PTPRN2: variants seen among roughly 807,000 people sequenced by gnomAD.
PTPRN2 encodes the protein receptor-type tyrosine-protein phosphatase N2.
In PTPRN2, 74 loss-of-function variants were observed where a neutral mutation model predicts 118.8. The observed-to-expected ratio is 0.62, with a 90% CI of 0.52 to 0.76. PTPRN2 has a LOEUF of 0.76. PTPRN2 is among the 30% of genes least tolerant of loss of function. The pLI, the probability that PTPRN2 is intolerant of heterozygous loss-of-function variation, is 0.00. For missense variants in PTPRN2, 1,481 were observed against 1,394.4 expected, an observed-to-expected ratio of 1.06 and a Z score of -0.99; for synonymous variants, 641 against 608.0, an observed-to-expected ratio of 1.05 and a Z score of -0.80.
At chr7:158,158,651 C>T (rs1264998409) in intron 6 of PTPRN2, among the ~76,000 whole-genome samples, 5 of 134,920 alleles carry the variant, frequency 3.7e-5, no homozygotes, top group African/African-American at 1.4e-4. Flanking sequence ...GCCGGGACTT[C>T]GCAAGTGCTT....
chr7:157,673,255 C>G (rs1263390372), intron 13 of PTPRN2, among the ~76,000 whole-genome samples: 1 of 152,168 alleles, frequency 6.6e-6, no homozygotes, highest in Non-Finnish European at 1.5e-5. Context: ...AATTCCTGAC[C>G]TCAGGTGATC....
At chr7:158,463,136 T>G (rs1819123052) in intron 2 of PTPRN2, among the ~76,000 whole-genome samples, 1 of 152,162 alleles carries the variant, frequency 6.6e-6, no homozygotes, top group Admixed American at 6.5e-5. Flanking sequence ...TCTGTGTACT[T>G]TTATAAGCTT....
At chr7:157,822,789 T>A (rs1263762549) in intron 12 of PTPRN2, among the ~76,000 whole-genome samples, 1 of 151,592 alleles carries the variant, frequency 6.6e-6, no homozygotes, top group South Asian at 2.1e-4. Context: ...CTCCTATATA[T>A]CCATCAGCCC....
Position 158,316,895 on chromosome 7 carries a change from C to T in PTPRN2, c.201G>A (p.Met67Ile). 1.2e-6 allele frequency: 2 copies of T among 1,612,924 alleles called. No individual in the cohort carries two copies. The highest frequency in any genetic ancestry group is 1.3e-5 in the African/African-American group (1 of 75,082). ...GCGACACCTCGTAGCGGTAAAAGTC[C>T]ATTGCCGGAACCTTCTGGCACCTTC... Reference protein sequence around the residue: ...VFGRCQKVPAMDFYRYEVSPV... With the variant: ...VFGRCQKVPAIDFYRYEVSPV... The change falls in exon 3 of 23, where the codon ATG becomes ATA. Residue 67 changes from methionine to isoleucine, a missense_variant. Met to Ile is a conservative substitution (Grantham distance 10, BLOSUM62 1). This residue lies in a region of PTPRN2 where 1,115 missense variants were observed against 994.2 expected (regional missense o/e 1.12). Coordinates refer to ENST00000389418, the MANE Select transcript of PTPRN2 (RefSeq NM_002847.5).
At chr7:158,499,834 AGT>A (rs990941365) in intron 1 of PTPRN2, among the ~76,000 whole-genome samples, 1 of 127,028 alleles carries the variant, frequency 7.9e-6, no homozygotes, top group Non-Finnish European at 1.8e-5. Context: ...CACACCCTCC[AGT>A]GTGTGTATGT....
chr7:157,673,891 C>A (rs1179857615), intron 13 of PTPRN2, among the ~76,000 whole-genome samples: 1 of 152,220 alleles, frequency 6.6e-6, no homozygotes, highest in African/African-American at 2.4e-5. Context: ...CTGGGGAGTC[C>A]TTCACAAAGG....
chr7:157,810,226 A>G (rs1805904376), intron 12 of PTPRN2, among the ~76,000 whole-genome samples: 1 of 152,242 alleles, frequency 6.6e-6, no homozygotes, highest in Non-Finnish European at 1.5e-5. Context: ...GCGGACAGTG[A>G]GCACAGAACT....
Position 158,243,601 on chromosome 7 carries a change from C to A in PTPRN2, c.278-38328G>T, listed in dbSNP as rs184159134. Among the ~76,000 whole-genome samples, 603 of 152,290 alleles carry A rather than the reference C, an allele frequency of 4.0e-3. 6 individuals are homozygous for A. The highest frequency in any genetic ancestry group is 0.014 in the African/African-American group (577 of 41,558). ...GAGTTGGCCAGGAGCTGCAGGAAGC[C>A]CACAAAGGTTGATTTGGAAGAAGCA... On this transcript the variant is annotated intron_variant, in intron 3 of 22. Coordinates refer to ENST00000389418, the MANE Select transcript of PTPRN2 (RefSeq NM_002847.5).
At chr7:158,331,726 A>T (rs1319706990) in intron 2 of PTPRN2, among the ~76,000 whole-genome samples, 3 of 150,718 alleles carry the variant, frequency 2.0e-5, no homozygotes, top group Non-Finnish European at 4.4e-5. Context: ...TTCTCACCAT[A>T]AGAGCTGACA....
intron 3 of PTPRN2, among the ~76,000 whole-genome samples, chr7:158,222,035 A>G (rs906800387): frequency 2.0e-5 from 3 of 152,240 alleles, no homozygotes; most frequent in African/African-American, 7.2e-5. Context: ...ATACTATTTC[A>G]CATGAGCCAG....
chr7:158,067,761 A>G (rs1250838900), intron 11 of PTPRN2, among the ~76,000 whole-genome samples: 1 of 152,048 alleles, frequency 6.6e-6, no homozygotes, highest in African/African-American at 2.4e-5. Context: ...TTCCCAGAGC[A>G]GCACACCGGG....
At position 158,183,720 on chromosome 7, in the gene PTPRN2, T is replaced by C. The variant is rs1043457355; in HGVS notation, c.549+8607A>G. The stretch of plus-strand genomic sequence containing the variant: ...GGCTGAATTCTCCAGTGGGGGTGCA[T>C]ATCTTGGAGGCAGTGTCTCCCCCTC... On this transcript the variant is annotated intron_variant, in intron 5 of 22. Transcript: ENST00000389418. Among the ~76,000 whole-genome samples, 6 of 152,326 alleles carry C rather than the reference T, an allele frequency of 3.9e-5. No homozygotes were observed. In the South Asian group the frequency reaches 1.2e-3, roughly 32 times the overall value.
chr7:157,739,653 C>T (rs563949543), intron 12 of PTPRN2, among the ~76,000 whole-genome samples: 1 of 152,356 alleles, frequency 6.6e-6, no homozygotes, highest in Admixed American at 6.5e-5. Flanking sequence ...AGAGCTCTTT[C>T]TCCCCAGGTG....
intron 11 of PTPRN2, among the ~76,000 whole-genome samples, chr7:158,004,490 T>TA (rs1231059644): frequency 1.3e-5 from 2 of 152,200 alleles, no homozygotes; most frequent in Non-Finnish European, 1.5e-5. Context: ...TAGTGGACTC[T>TA]AAAAAAAGTA....
chr7:158,461,296 C>T (rs58600303), intron 2 of PTPRN2, among the ~76,000 whole-genome samples: 24 of 152,192 alleles, frequency 1.6e-4, no homozygotes, highest in African/African-American at 5.3e-4. Flanking sequence ...GAGATCAAGA[C>T]CATCCTGGCT....
intron 3 of PTPRN2, among the ~76,000 whole-genome samples, chr7:158,291,145 A>T (rs1800096701): frequency 6.6e-6 from 1 of 152,176 alleles, no homozygotes; most frequent in Non-Finnish European, 1.5e-5. Flanking sequence ...CTTGGTGATG[A>T]TGTAACAGCT....
intron 2 of PTPRN2, among the ~76,000 whole-genome samples, chr7:158,478,304 G>T (rs1327226405): frequency 6.6e-6 from 1 of 152,220 alleles, no homozygotes; most frequent in Non-Finnish European, 1.5e-5. Context: ...GGAAAGCAGC[G>T]CCGTACAGAC....
At chr7:157,772,340 G>C (rs1244098461) in intron 12 of PTPRN2, among the ~76,000 whole-genome samples, 1 of 133,948 alleles carries the variant, frequency 7.5e-6, no homozygotes, top group Non-Finnish European at 1.6e-5. Flanking sequence ...CATACACACA[G>C]ACATACACAC....
chr7:158,531,336 G>C (rs1393527622), intron 1 of PTPRN2, among the ~76,000 whole-genome samples: 1 of 152,198 alleles, frequency 6.6e-6, no homozygotes, highest in African/African-American at 2.4e-5. Flanking sequence ...TCCCTCTCCA[G>C]AGTCGAGCTC....
Sources: allele counts gnomAD v4.1 joint callset (sites outside exome capture counted in the v4.1 genomes callset), GRCh38; gene constraint gnomAD v4.1.1; regional missense constraint gnomAD v4.1.1; transcripts MANE v1.5; gene names NCBI Gene and HGNC (gene_info 2026-07-23, HGNC 2026-07-21).